The following EPHA8 variants were observed in gnomAD, a reference collection of about 807,000 sequenced individuals.
The protein encoded by EPHA8 is ephrin type-A receptor 8.
In EPHA8, 58 loss-of-function variants were observed where a neutral mutation model predicts 103.6. The ratio of observed to expected loss-of-function variants is 0.56; its 90% CI spans 0.45 to 0.70. EPHA8 has a LOEUF of 0.70. Ranked by LOEUF, EPHA8 falls within the 30% of genes least tolerant of loss-of-function variation. The probability of loss-of-function intolerance (pLI) is 0.00; values close to 1 mark genes in which losing one functional copy is unlikely to be tolerated. For synonymous variants in EPHA8, 559 were observed against 572.5 expected, an observed-to-expected ratio of 0.98 and a Z score of 0.34; for missense variants, 1,304 against 1,395.2, an observed-to-expected ratio of 0.93 and a Z score of 1.04.
intron 2 of EPHA8, among the ~76,000 whole-genome samples, chr1:22,571,245 G>T (rs1173305782): frequency 6.6e-6 from 1 of 152,240 alleles, no homozygotes; most frequent in East Asian, 1.9e-4. Flanking sequence ...CATTGCATTT[G>T]CGAGTTAGAA....
rs1569962074 is a variant in EPHA8, at chr1:22,576,147, C to T, written c.160-70C>T. On this transcript the variant is annotated intron_variant, in intron 2 of 16. Transcript: ENST00000166244. This position sits in a 1 kb window ranked among gnomAD's most constrained non-coding sequence, Gnocchi z 4.8. ...TTTTGCCAGCGTCCCCAGCACAGAA[C>T]ACAGGGTCATTGGCAAAAGAGGGTG... 6.6e-7 allele frequency: 1 copy of T among 1,522,216 alleles called. No individual in the cohort carries two copies. Among genetic ancestry groups the T allele is most frequent in the East Asian group, 2.3e-5 (1 of 44,114 alleles). 94.3% of individuals were successfully genotyped at this position (1,522,216 alleles called of 1,614,324 possible).
At position 22,598,228 on chromosome 1, in the gene EPHA8, CT is replaced by C. The variant is rs755944499; in HGVS notation, c.2178+17del. On this transcript the variant is annotated intron_variant, in intron 12 of 16. Transcript: ENST00000166244. This position sits in a 1 kb window ranked among gnomAD's most constrained non-coding sequence, Gnocchi z 5.1. ...CTTCCTGAGGGTGCGTGTCCCACCC[CT>C]GCCTCTTGCATGGGCTTGGGGAGGG... 6.2e-7 allele frequency: 1 copy of C among 1,611,566 alleles called. No individual in the cohort carries two copies. The highest frequency in any genetic ancestry group is 1.7e-5 in the Admixed American group (1 of 59,864).
In EPHA8 at chr1:22,602,105, C is replaced by T; in HGVS notation, c.*364C>T. The T allele has an allele frequency of 2.7e-6, 1 of 376,454 alleles. No individual in the cohort carries two copies. The highest frequency in any genetic ancestry group is 4.8e-6 in the Non-Finnish European group (1 of 209,490). The allele number at this position is 376,454 out of a possible 1,614,324, so 23.3% of individuals were successfully genotyped here. ...ACAAGGTCATGGGATCTCATGTGAA[C>T]AGTGTGTGATCAAGTGTGTCCACCC... On this transcript the variant is annotated 3_prime_UTR_variant, in exon 17 of 17. Transcript: ENST00000166244.
Position 22,601,966 on chromosome 1 carries a change from G to A in EPHA8, c.*225G>A. 1.7e-6 allele frequency: 1 copy of A among 584,270 alleles called. No individual in the cohort carries two copies. Among genetic ancestry groups the A allele is most frequent in the South Asian group, 2.2e-5 (1 of 45,136 alleles). The allele number at this position is 584,270 out of a possible 1,614,324, so 36.2% of individuals were successfully genotyped here. A position where few individuals can be genotyped will look rare whatever the true frequency, so the allele number is the denominator to read the frequency against. On this transcript the variant is annotated 3_prime_UTR_variant, in exon 17 of 17. Coordinates refer to ENST00000166244, the MANE Select transcript of EPHA8 (RefSeq NM_020526.5). ...CTGGTGAGGACACCTGTCCCCCAGGGCAGGCACCTTCTCTTTTCCAGAGCC... is the reference window on the plus strand; with the variant it reads ...CTGGTGAGGACACCTGTCCCCCAGGACAGGCACCTTCTCTTTTCCAGAGCC...
At chr1:22,572,799 G>A (rs778981295) in intron 2 of EPHA8, among the ~76,000 whole-genome samples, 5 of 152,212 alleles carry the variant, frequency 3.3e-5, no homozygotes, top group Admixed American at 6.5e-5. Flanking sequence ...TTTGGGCAGC[G>A]GAGATGAGAG....
In EPHA8 at chr1:22,597,956, C is replaced by T. The variant is rs997020194; in HGVS notation, c.2116+95C>T. On this transcript the variant is annotated intron_variant, in intron 11 of 16. Transcript: ENST00000166244. The surrounding 1 kb of genome is among the most constrained non-coding windows in gnomAD (Gnocchi z 4.6). ...CCCTCATCCATCCTGCTCTGCCCCA[C>T]CTGACCCTGTCCTCTTGGTTCAGGT... 6.6e-7 allele frequency: 1 copy of T among 1,505,362 alleles called. No individual in the cohort carries two copies. The highest frequency in any genetic ancestry group is 9.1e-7 in the Non-Finnish European group (1 of 1,102,360). The allele number at this position is 1,505,362 out of a possible 1,614,324, so 93.3% of individuals were successfully genotyped here. A position where few individuals can be genotyped will look rare whatever the true frequency, so the allele number is the denominator to read the frequency against.
chr1:22,580,591 C>T (rs1641019557), intron 3 of EPHA8, among the ~76,000 whole-genome samples: 1 of 152,236 alleles, frequency 6.6e-6, no homozygotes, highest in Non-Finnish European at 1.5e-5. Context: ...CCAGGCTCCC[C>T]AGGCCACAAG....
Position 22,601,696 on chromosome 1 carries a change from G to T in EPHA8, c.2973G>T (p.Met991Ile). 1 of 1,582,830 alleles carries T rather than the reference G, an allele frequency of 6.3e-7. No homozygotes were observed. The highest frequency in any genetic ancestry group is 1.4e-5 in the African/African-American group (1 of 74,058). Residue 991 changes from methionine (M) to isoleucine (I), a missense_variant, in exon 17 of 17, where the codon ATG (methionine) becomes ATT (isoleucine). Met to Ile is a conservative substitution (Grantham distance 10). Transcript: ENST00000166244. ...AGATCCTGGGCAGCATTCAGACCAT[G>T]CGGGCCCAGCTGACCAGCACCCAGG... ...QKKILGSIQTMRAQLTSTQGP... is the reference protein window; with the variant it reads ...QKKILGSIQTIRAQLTSTQGP...
At position 22,585,027 on chromosome 1, in the gene EPHA8, CTGTGTG is replaced by C. The variant is rs772415643; in HGVS notation, c.824-1434_824-1429del. Reference sequence around the variant, plus strand: ...AGCAGGGCGGGGAATGGTCGTTTCTCTGTGTGTGTGTGTGTGTGTGTGTGCGCACGC... The same window carrying C: ...AGCAGGGCGGGGAATGGTCGTTTCTCTGTGTGTGTGTGTGTGTGCGCACGC... On this transcript the variant is annotated intron_variant, in intron 3 of 16. Transcript: ENST00000166244. Among the ~76,000 whole-genome samples, 7 of 147,578 alleles carry C rather than the reference CTGTGTG, an allele frequency of 4.7e-5. No homozygotes were observed. The East Asian group carries it at 6.1e-4, about 13-fold the overall frequency.
At chr1:22,601,197 GC>G in intron 15 of EPHA8, 102 bp from the exon 16 acceptor site, 9 of 1,525,608 alleles carry the variant, frequency 5.9e-6, no homozygotes, top group Non-Finnish European at 4.4e-6. Flanking sequence ...CCCAGCCTGG[GC>G]CCCCGGCCCC....
chr1:22,585,924 C>G (rs1641190829), intron 3 of EPHA8, among the ~76,000 whole-genome samples: 1 of 152,160 alleles, frequency 6.6e-6, no homozygotes, highest in African/African-American at 2.4e-5. Context: ...GGAGGTGGCT[C>G]CATGTCTGCC....
Position 22,567,343 on chromosome 1 carries a change from C to G in EPHA8, c.95-1946C>G, listed in dbSNP as rs978962296. Among the ~76,000 whole-genome samples the G allele has an allele frequency of 2.0e-5, 3 of 152,182 alleles. No homozygotes were observed. The highest frequency in any genetic ancestry group is 6.5e-5 in the Admixed American group (1 of 15,288). ...GAAACTGCAGTGCGGCCCCCTCCCC[C>G]TCCCACCAGCCAGCAGGAGGAGAGA... is the stretch of plus-strand genomic sequence containing the variant. On this transcript the variant is annotated intron_variant, in intron 1 of 16. Transcript: ENST00000166244. This position sits in a 1 kb window ranked among gnomAD's most constrained non-coding sequence, Gnocchi z 4.2.
rs983878129 is a variant in EPHA8 at position 22,590,523 on chromosome 1, C to G, written c.1315+1317C>G. Among the ~76,000 whole-genome samples, 3 of 152,142 alleles carry G rather than the reference C, an allele frequency of 2.0e-5. 1 individual carries two copies. The South Asian group carries it at 6.2e-4, about 32-fold the overall frequency. ...GGCCACATCCATGGGCGCCTCTTCC[C>G]CCTTTCATTTCCTCCTCCTGGAAAC... is the stretch of plus-strand genomic sequence containing the variant. On this transcript the variant is annotated intron_variant, in intron 5 of 16. Transcript: ENST00000166244.
rs1641563242 is a variant in EPHA8 at position 22,597,777 on chromosome 1, A to C, written c.2032A>C (p.Arg678=). The change falls in exon 11 of 17, where the codon AGG becomes CGG. Residue 678 remains arginine (R), a synonymous_variant. Coordinates refer to ENST00000166244, the MANE Select transcript of EPHA8 (RefSeq NM_020526.5). This position sits in a 1 kb window ranked among gnomAD's most constrained non-coding sequence, Gnocchi z 4.6. ...CAAAGCCGGCTACACGGAGAGACAG[A>C]GGCGGGACTTCCTGAGCGAGGCGTC... ...ALKAGYTERQ[R]RDFLSEASIM... is the part of the protein sequence containing the mutation. 6.2e-7 allele frequency: 1 copy of C among 1,613,068 alleles called. No individual in the cohort carries two copies.
rs537361195 is a variant in EPHA8, at chr1:22,594,996, C to A, written c.1604-234C>A. Reference sequence around the variant, plus strand: ...CCACAGCCACAAGAAGCAGCGGCACCAGCATTAGGAAGCTGGGCATCCAGG... The same window carrying A: ...CCACAGCCACAAGAAGCAGCGGCACAAGCATTAGGAAGCTGGGCATCCAGG... On this transcript the variant is annotated intron_variant, in intron 7 of 16. Coordinates refer to ENST00000166244, the MANE Select transcript of EPHA8 (RefSeq NM_020526.5). Among the ~76,000 whole-genome samples, 12 of 152,308 alleles carry A rather than the reference C, an allele frequency of 7.9e-5. No individual in the cohort carries two copies. In the South Asian group the frequency reaches 2.5e-3, roughly 32 times the overall value.
rs1641433315 is a variant in EPHA8 at position 22,593,542 on chromosome 1, T to C, written c.1459T>C (p.Tyr487His). 6.2e-7 allele frequency: 1 copy of C among 1,612,308 alleles called. No individual in the cohort carries two copies. The highest frequency in any genetic ancestry group is 1.7e-5 in the Admixed American group (1 of 59,934). ...GTGGCAGGACAAGGAGATGCAGAGC[T>C]ACTCCACCCTCAAGGCCGTCACCAC... Reference protein sequence around the residue: ...YYEKDKEMQSYSTLKAVTTRA... With the variant: ...YYEKDKEMQSHSTLKAVTTRA... The change falls in exon 7 of 17, where the codon TAC (tyrosine) becomes CAC (histidine). Residue 487 changes from tyrosine (Y) to histidine (H), a missense_variant. Coordinates refer to ENST00000166244, the MANE Select transcript of EPHA8 (RefSeq NM_020526.5).
intron 1 of EPHA8, among the ~76,000 whole-genome samples, chr1:22,568,463 T>A (rs1046431241): frequency 2.0e-5 from 3 of 152,204 alleles, no homozygotes; most frequent in African/African-American, 7.2e-5. Context: ...CAGCAAGTGC[T>A]CCGAATGGCA....
Position 22,600,971 on chromosome 1 carries a change from T to G in EPHA8, c.2612T>G (p.Met871Arg), listed in dbSNP as rs781170423. 2 of 1,613,080 alleles carry G rather than the reference T, an allele frequency of 1.2e-6. No homozygotes were observed. The highest frequency in any genetic ancestry group is 1.7e-6 in the Non-Finnish European group (2 of 1,179,868). The change falls in exon 15 of 17, where the codon ATG (methionine) becomes AGG (arginine). Residue 871 changes from methionine (M) to arginine (R), a missense_variant. Physicochemically the swap from Met to Arg is moderately conservative, Grantham distance 91 (BLOSUM62 -1). Transcript: ENST00000166244. ...TGCCCCCACGCCCTGCACCAGCTCA[T>G]GCTCGACTGTTGGCACAAGGACCGG... ...MGCPHALHQL[M>R]LDCWHKDRAQ...
Position 22,600,975 on chromosome 1 carries a change from C to G in EPHA8, c.2616C>G (p.Leu872=). 1.2e-6 allele frequency: 2 copies of G among 1,613,058 alleles called. No homozygotes were observed. Among genetic ancestry groups the G allele is most frequent in the Non-Finnish European group, 1.7e-6 (2 of 1,179,858 alleles). ...CCCACGCCCTGCACCAGCTCATGCT[C>G]GACTGTTGGCACAAGGACCGGGCGC... ...GCPHALHQLM[L]DCWHKDRAQR... Residue 872 remains leucine (L), a synonymous_variant, in exon 15 of 17, where the codon CTC becomes CTG. Coordinates refer to ENST00000166244, the MANE Select transcript of EPHA8 (RefSeq NM_020526.5).
Sources: allele counts gnomAD v4.1 joint callset (sites outside exome capture counted in the v4.1 genomes callset), GRCh38; gene constraint gnomAD v4.1.1; non-coding constraint Gnocchi (gnomAD v3.1); transcripts MANE v1.5; gene names NCBI Gene and HGNC (gene_info 2026-07-23, HGNC 2026-07-21).